The following ROBO2 variants were observed in gnomAD, a reference collection of about 807,000 sequenced individuals.
ROBO2 encodes the protein roundabout homolog 2.
In ROBO2, 53 loss-of-function variants were observed where a neutral mutation model predicts 160.8. The ratio of observed to expected loss-of-function variants is 0.33; its 90% confidence interval spans 0.26 to 0.41. ROBO2 has a LOEUF of 0.41. ROBO2 is among the 10% of genes least tolerant of loss of function. The pLI is 1.00. For missense variants in ROBO2, 1,577 were observed against 1,722.4 expected (o/e 0.92, Z 1.49); for synonymous variants, 664 against 611.7 (o/e 1.09, Z -1.26).
chr3:76,185,215 T>TAGATATATATATATATATATAC, intron 2 of ROBO2, among the ~76,000 whole-genome samples: 2,263 of 90,312 alleles, frequency 0.025, 67 homozygotes, highest in Non-Finnish European at 0.04. Context: ...TATATATATA[T>TAGATATATATATATATATATAC]ACACACACAA....
chr3:77,288,688 C>A (rs2060792340), intron 2 of ROBO2, among the ~76,000 whole-genome samples: 1 of 152,018 alleles, frequency 6.6e-6, no homozygotes, highest in South Asian at 2.1e-4. Context: ...TTTTCCTGAA[C>A]AACTGCATTA....
intron 2 of ROBO2, among the ~76,000 whole-genome samples, chr3:76,690,128 GAA>G (rs2092770753): frequency 6.6e-6 from 1 of 152,070 alleles, no homozygotes; most frequent in Non-Finnish European, 1.5e-5. Context: ...GGGGAGTATG[GAA>G]ACATTTTCTA....
At chr3:76,580,328 G>GTTTTTTTTTTTTTTTTTTTTTTTTTT (rs748888426) in intron 2 of ROBO2, among the ~76,000 whole-genome samples, 5 of 67,244 alleles carry the variant, frequency 7.4e-5, no homozygotes, top group Middle Eastern at 0.011. Flanking sequence ...TTTTTTTTTT[G>GTTTTTTTTTTTTTTTTTTTTTTTTTT]TTTTTTTTTT....
chr3:77,106,368 A>C (rs1358862729), intron 2 of ROBO2, among the ~76,000 whole-genome samples: 2 of 152,158 alleles, frequency 1.3e-5, no homozygotes, highest in Non-Finnish European at 2.9e-5. Flanking sequence ...TTAATTTATT[A>C]AATTTCAGCT....
intron 2 of ROBO2, among the ~76,000 whole-genome samples, chr3:77,106,529 T>G (rs1287849881): frequency 6.6e-6 from 1 of 152,200 alleles, no homozygotes; most frequent in East Asian, 1.9e-4. Flanking sequence ...TTTAGATCTA[T>G]AATTACTTAA....
At chr3:76,173,544 G>A (rs886726972) in intron 2 of ROBO2, among the ~76,000 whole-genome samples, 1 of 151,608 alleles carries the variant, frequency 6.6e-6, no homozygotes, top group African/African-American at 2.4e-5. Context: ...CCCAATGTGC[G>A]ATATTCCGCT....
chr3:76,436,506 T>C (rs1422091925), intron 2 of ROBO2, among the ~76,000 whole-genome samples: 1 of 152,208 alleles, frequency 6.6e-6, no homozygotes. Context: ...GCTGCTAATG[T>C]AAATTTCAGT....
chr3:76,272,846 AT>A (rs1553693041), intron 2 of ROBO2, among the ~76,000 whole-genome samples: 2 of 2,490 alleles, frequency 8.0e-4, no homozygotes, highest in East Asian at 0.017. Flanking sequence ...TATATTATAT[AT>A]TATATATAAA....
At chr3:76,849,966 C>A (rs184166778) in intron 2 of ROBO2, among the ~76,000 whole-genome samples, 1 of 152,244 alleles carries the variant, frequency 6.6e-6, no homozygotes, top group East Asian at 1.9e-4. Context: ...GTGGGTGGAT[C>A]ACTTGAGGTC....
chr3:76,772,797 C>A (rs1199350206), intron 2 of ROBO2, among the ~76,000 whole-genome samples: 1 of 150,954 alleles, frequency 6.6e-6, no homozygotes, highest in Non-Finnish European at 1.5e-5. Context: ...TTTCCATTTT[C>A]ATTAGTGGGA....
intron 2 of ROBO2, among the ~76,000 whole-genome samples, chr3:77,444,839 T>C (rs1335912627): frequency 2.6e-5 from 4 of 152,208 alleles, no homozygotes; most frequent in Non-Finnish European, 4.4e-5. Context: ...ATAGTTAGTG[T>C]CTCCAGTTAG....
chr3:76,108,569 C>G (rs2070059785), intron 2 of ROBO2, among the ~76,000 whole-genome samples: 1 of 151,724 alleles, frequency 6.6e-6, no homozygotes. Context: ...ACTATGGATA[C>G]TTTTCCCATT....
chr3:76,029,355 TTC>T (rs2066843888), intron 2 of ROBO2, among the ~76,000 whole-genome samples: 1 of 152,014 alleles, frequency 6.6e-6, no homozygotes, highest in African/African-American at 2.4e-5. Flanking sequence ...AATTTAGCAC[TTC>T]TTACATTTCT....
intron 2 of ROBO2, among the ~76,000 whole-genome samples, chr3:77,253,353 GTATGTAAAGTCAGATCAGC>G (rs1025908983): frequency 3.9e-5 from 6 of 152,160 alleles, no homozygotes; most frequent in Admixed American, 2.0e-4. Flanking sequence ...TGTGGAAGGG[GTATGTAAAGTCAGATCAGC>G]TAGAGAAAAA....
chr3:77,435,906 A>G (rs939116175), intron 2 of ROBO2, among the ~76,000 whole-genome samples: 3 of 151,342 alleles, frequency 2.0e-5, no homozygotes, highest in Non-Finnish European at 4.4e-5. Flanking sequence ...TAAATGTTTT[A>G]TGATGACAAT....
At chr3:76,310,498 T>C (rs955732449) in intron 2 of ROBO2, among the ~76,000 whole-genome samples, 3 of 152,216 alleles carry the variant, frequency 2.0e-5, no homozygotes, top group African/African-American at 7.2e-5. Flanking sequence ...TCCTGTTTTA[T>C]TGCTGGGGAG....
rs1056546757 is a variant in ROBO2, at chr3:77,446,598, T to C, written c.389-30816T>C. ...TAAAATCACTTTATATCTGTAAAAA[T>C]AGACACTGTATTTTTCTTATAGTGC... On this transcript the variant is annotated intron_variant, in intron 2 of 25. Transcript: ENST00000461745. Among the ~76,000 whole-genome samples the C allele has an allele frequency of 2.6e-5, 4 of 152,042 alleles. No homozygotes were observed. In the South Asian group the frequency reaches 8.3e-4, roughly 31 times the overall value.
At chr3:77,387,716 G>A (rs1240979254) in intron 2 of ROBO2, among the ~76,000 whole-genome samples, 3 of 151,818 alleles carry the variant, frequency 2.0e-5, no homozygotes, top group Admixed American at 6.6e-5. Flanking sequence ...ATAGCTACAG[G>A]CAGAAGGTTA....
At chr3:75,929,855 C>T (rs1390748796) in intron 1 of ROBO2, among the ~76,000 whole-genome samples, 1 of 152,142 alleles carries the variant, frequency 6.6e-6, no homozygotes, top group African/African-American at 2.4e-5. Flanking sequence ...CCACCACACC[C>T]AGCTAATTTT....
Sources: allele counts gnomAD v4.1 joint callset (sites outside exome capture counted in the v4.1 genomes callset), GRCh38; gene constraint gnomAD v4.1.1; transcripts MANE v1.5; gene names NCBI Gene and HGNC (gene_info 2026-07-23, HGNC 2026-07-21).